The following DMD variants were observed in gnomAD, a reference collection of about 807,000 sequenced individuals.
DMD encodes the protein mutant dystrophin.
In DMD, 63 loss-of-function variants were observed where a neutral mutation model predicts 330.1. That is an observed-to-expected ratio of 0.19 (90% CI 0.16 to 0.24). The LOEUF (loss-of-function observed/expected upper bound fraction) is 0.24, where lower values mean the gene tolerates loss of function less well. Ranked by LOEUF, DMD falls within the 10% of genes least tolerant of loss-of-function variation. DMD has a pLI of 1.00. For missense variants in DMD, 3,344 were observed against 2,684.1 expected (o/e 1.25, Z -5.43); for synonymous variants, 1,223 against 959.8 (o/e 1.27, Z -5.07).
In DMD at chrX:32,656,136, G is replaced by A. The variant is rs923074414; in HGVS notation, c.961-10984C>T. On this transcript the variant is annotated intron_variant, in intron 9 of 78. Coordinates refer to ENST00000357033, the MANE Select transcript of DMD (RefSeq NM_004006.3). ...ACTACAGTTCCCACTTTCCCTTGCA[G>A]TTAGATGTGGCATGTAACCAAGTAT... 3.6e-5 allele frequency among the ~76,000 whole-genome samples: 4 copies of A among 111,915 alleles called. No homozygotes were observed. In the South Asian group the frequency reaches 1.5e-3, roughly 42 times the overall value.
chrX:31,130,541 A>G (rs1160685831), intron 77 of DMD, among the ~76,000 whole-genome samples: 1 of 112,392 alleles, frequency 8.9e-6, no homozygotes, highest in Non-Finnish European at 1.9e-5. Flanking sequence ...CACAAAGCTG[A>G]ATGTTTACAC....
chrX:32,310,209 G>A lies in DMD; in HGVS notation c.5990C>T (p.Pro1997Leu). The A allele has an allele frequency of 2.5e-6, 3 of 1,208,880 alleles. No individual in the cohort carries two copies. Among genetic ancestry groups the A allele is most frequent in the Non-Finnish European group, 3.4e-6 (3 of 893,480 alleles). The change falls in exon 42 of 79, where the codon CCT becomes CTT. Residue 1997 changes from proline (P) to leucine (L), a missense_variant. Physicochemically the swap from Pro to Leu is moderately conservative, Grantham distance 98. Coordinates refer to ENST00000357033, the MANE Select transcript of DMD (RefSeq NM_004006.3). ...AGTGATTTCAGTCAAATAAGTAGAA[G>A]GCACATAAGAAATTTCCAAAGGCAT... ...EDMPLEISYVPSTYLTEITHV... is the reference protein window; with the variant it reads ...EDMPLEISYVLSTYLTEITHV...
intron 11 of DMD, among the ~76,000 whole-genome samples, chrX:32,630,043 T>A (rs1449803112): frequency 1.8e-5 from 2 of 111,785 alleles, no homozygotes; most frequent in Non-Finnish European, 3.8e-5. Flanking sequence ...TTACTTCAGA[T>A]GATGACTCAT....
chrX:31,577,919 A>G (rs2076178122), intron 55 of DMD, among the ~76,000 whole-genome samples: 1 of 111,573 alleles, frequency 9.0e-6, no homozygotes, highest in Non-Finnish European at 1.9e-5. Context: ...ATTAGTAAAA[A>G]TTAAATGTTC....
chrX:32,823,340 A>C lies in DMD; in HGVS notation c.312T>G (p.His104Gln). ...IGSTDIVDGN[H>Q]KLTLGLIWNI... ...TCCAAATCAAACCAAGAGTCAGTTT[A>C]TGATTTCCATCTACGATGTCAGTAC... The change falls in exon 5 of 79, where the codon CAT (histidine) becomes CAG (glutamine). Residue 104 changes from histidine (H) to glutamine (Q), a missense_variant. By Grantham distance (24) the His-to-Gln change is conservative. Transcript: ENST00000357033. The C allele has an allele frequency of 8.3e-7, 1 of 1,209,763 alleles. No individual in the cohort carries two copies. The highest frequency in any genetic ancestry group is 1.1e-6 in the Non-Finnish European group (1 of 893,895).
At chrX:31,194,727 G>C (rs2042708140) in intron 67 of DMD, among the ~76,000 whole-genome samples, 1 of 112,209 alleles carries the variant, frequency 8.9e-6, no homozygotes, top group Non-Finnish European at 1.9e-5. Context: ...CCCTTCATGG[G>C]AATAGGTTGT....
chrX:32,053,706 G>A (rs1001046815), intron 44 of DMD, among the ~76,000 whole-genome samples: 4 of 111,308 alleles, frequency 3.6e-5, no homozygotes, highest in South Asian at 3.8e-4. Context: ...CTTCTCACCC[G>A]TTAAGGTTGG....
At chrX:33,081,882 C>G (rs2094934957) in intron 1 of DMD, among the ~76,000 whole-genome samples, 1 of 110,476 alleles carries the variant, frequency 9.1e-6, no homozygotes, top group Non-Finnish European at 1.9e-5. Context: ...TCAGATAACA[C>G]AATGAAAAAC....
chrX:32,734,818 G>A lies in DMD; in HGVS notation c.650-35525C>T, dbSNP rs769552854. ...CCCACAGCCAATATCATACTGAATG[G>A]GCAAAAACTGGAAGCATTCCCTTTG... On this transcript the variant is annotated intron_variant, in intron 7 of 78. Transcript: ENST00000357033. Among the ~76,000 whole-genome samples, 1,007 of 104,603 alleles carry A rather than the reference G, an allele frequency of 9.6e-3. 7 individuals are homozygous for A. Among genetic ancestry groups the A allele is most frequent in the Middle Eastern group, 0.033 (7 of 212 alleles). 90.8% of individuals were successfully genotyped at this position (104,603 alleles called of 115,157 possible). A position where few individuals can be genotyped will look rare whatever the true frequency, so the allele number is the denominator to read the frequency against.
chrX:33,219,014 C>G (rs2052111348), intron 1 of DMD, among the ~76,000 whole-genome samples: 1 of 111,481 alleles, frequency 9.0e-6, no homozygotes. Flanking sequence ...TTTTAAAAAG[C>G]TTACTCAACA....
chrX:32,185,833 T>G (rs1204793380), intron 44 of DMD, among the ~76,000 whole-genome samples: 4 of 107,454 alleles, frequency 3.7e-5, no homozygotes, highest in Non-Finnish European at 7.6e-5. Flanking sequence ...AAATTTGTGT[T>G]GTTTATCATG....
intron 62 of DMD, among the ~76,000 whole-genome samples, chrX:31,263,521 A>G (rs1224291036): frequency 8.9e-6 from 1 of 111,937 alleles, no homozygotes; most frequent in Non-Finnish European, 1.9e-5. Context: ...TTACTGGAAG[A>G]AGGAGGAAAT....
intron 55 of DMD, among the ~76,000 whole-genome samples, chrX:31,622,446 G>A (rs749563229): frequency 4.2e-4 from 47 of 110,909 alleles, no homozygotes; most frequent in Non-Finnish European, 7.6e-4. Context: ...TAAAAATATG[G>A]ATTGATACTC....
At chrX:32,208,835 G>A (rs1186372598) in intron 44 of DMD, among the ~76,000 whole-genome samples, 1 of 111,139 alleles carries the variant, frequency 9.0e-6, no homozygotes, top group Non-Finnish European at 1.9e-5. Flanking sequence ...ATGGGTAAGA[G>A]AACAGGGCCA....
At chrX:31,296,705 C>T (rs1347503570) in intron 62 of DMD, among the ~76,000 whole-genome samples, 1 of 112,186 alleles carries the variant, frequency 8.9e-6, no homozygotes, top group Non-Finnish European at 1.9e-5. Context: ...GCTGCAATTA[C>T]TGCTCACATG....
At chrX:32,731,971 G>A (rs1050584710) in intron 7 of DMD, among the ~76,000 whole-genome samples, 103 of 111,668 alleles carry the variant, frequency 9.2e-4, no homozygotes, top group African/African-American at 1.2e-3. Flanking sequence ...TCTGAGCTAC[G>A]GGAGGACATT....
intron 1 of DMD, among the ~76,000 whole-genome samples, chrX:33,244,752 AAATGCCATAG>A (rs2052639754): frequency 8.9e-6 from 1 of 111,815 alleles, no homozygotes; most frequent in Non-Finnish European, 1.9e-5. Context: ...TGAGCTTCCC[AAATGCCATAG>A]AAACAAAACG....
intron 45 of DMD, among the ~76,000 whole-genome samples, chrX:31,956,859 C>T (rs751932764): frequency 8.9e-6 from 1 of 112,355 alleles, no homozygotes; most frequent in Admixed American, 9.4e-5. Context: ...AATCTGAATG[C>T]CCTGATTATG....
At chrX:32,984,158 A>G (rs1413802344) in intron 2 of DMD, among the ~76,000 whole-genome samples, 1 of 112,328 alleles carries the variant, frequency 8.9e-6, no homozygotes, top group South Asian at 3.7e-4. Flanking sequence ...TGTTTATAAG[A>G]GAGGTGAGAC....
Sources: allele counts gnomAD v4.1 joint callset (sites outside exome capture counted in the v4.1 genomes callset), GRCh38; gene constraint gnomAD v4.1.1; transcripts MANE v1.5; gene names NCBI Gene and HGNC (gene_info 2026-07-23, HGNC 2026-07-21).